The following TEX101 variants were observed in gnomAD, a reference collection of about 807,000 sequenced individuals.
TEX101 encodes the protein testis expressed 101.
Under a neutral mutation model 18.1 loss-of-function variants are expected in TEX101, and 10 were observed. That is an observed-to-expected ratio of 0.55 (90% CI 0.34 to 0.94). The LOEUF is 0.94. TEX101 is among the 40% of genes least tolerant of loss of function. The pLI is 0.02. For synonymous variants in TEX101, 94 were observed against 114.8 expected, an observed-to-expected ratio of 0.82 and a Z score of 1.16; for missense variants, 259 against 298.9, an observed-to-expected ratio of 0.87 and a Z score of 0.98.
upstream of TEX101, among the ~76,000 whole-genome samples, chr19:43,411,490 G>A (rs1019934051): frequency 2.6e-5 from 4 of 152,350 alleles, 1 homozygote; most frequent in South Asian, 4.1e-4. Context: ...CAATAATCCA[G>A]TGACCAATGG....
At chr19:43,413,799 A>G (rs1265451949), upstream of TEX101, among the ~76,000 whole-genome samples, 1 of 151,924 alleles carries the variant, frequency 6.6e-6, no homozygotes, top group East Asian at 1.9e-4. Context: ...CTAAAAATAC[A>G]AAAATTAGCC....
the TEX101 span, among the ~76,000 whole-genome samples, chr19:43,395,158 G>T: frequency 6.6e-6 from 1 of 152,166 alleles, no homozygotes; most frequent in Admixed American, 6.5e-5. Context: ...GAGATGCAGG[G>T]TCTTTTAGTG....
At chr19:43,410,288 G>A (rs542123655), upstream of TEX101, among the ~76,000 whole-genome samples, 3 of 152,252 alleles carry the variant, frequency 2.0e-5, no homozygotes, top group Non-Finnish European at 4.4e-5. Context: ...GGACAATTAG[G>A]AGTTTGTGGG....
At chr19:43,403,302 A>G (rs1970333643) in intron 2 of TEX101, among the ~76,000 whole-genome samples, 1 of 152,208 alleles carries the variant, frequency 6.6e-6, no homozygotes. Flanking sequence ...GGTTTTCTAA[A>G]TACTGTGTGC....
intron 3 of TEX101, among the ~76,000 whole-genome samples, chr19:43,409,476 T>C (rs1052957105): frequency 3.3e-5 from 5 of 152,090 alleles, no homozygotes; most frequent in African/African-American, 9.7e-5. Context: ...ATTGGTCAAA[T>C]TGCATAAAAA....
At chr19:43,418,087 C>T in intron 5 of TEX101, 81 bp downstream of exon 5, 1 of 1,612,048 alleles carries the variant, frequency 6.2e-7, no homozygotes, top group Non-Finnish European at 8.5e-7. Context: ...ACACTGAGCT[C>T]TCCAGGGATG....
chr19:43,409,285 T>C (rs1394261886), intron 3 of TEX101, among the ~76,000 whole-genome samples: 1 of 152,196 alleles, frequency 6.6e-6, no homozygotes, highest in Non-Finnish European at 1.5e-5. Flanking sequence ...GTTAGTTGGG[T>C]ACCTGTGATT....
At chr19:43,388,814 C>A in the TEX101 span, among the ~76,000 whole-genome samples, 1 of 152,176 alleles carries the variant, frequency 6.6e-6, no homozygotes, top group Non-Finnish European at 1.5e-5. Context: ...AGACAAGTTT[C>A]TTTTACTTCT....
the TEX101 span, among the ~76,000 whole-genome samples, chr19:43,388,666 C>T: frequency 0.021 from 3,208 of 152,278 alleles, 55 homozygotes; most frequent in South Asian, 0.049. Context: ...CAACTGGGAA[C>T]GAGTCACCGT....
chr19:43,403,516 T>A (rs1315975326), intron 2 of TEX101, among the ~76,000 whole-genome samples: 4 of 152,194 alleles, frequency 2.6e-5, no homozygotes. Flanking sequence ...CAAACCAGCA[T>A]GGCACATGTA....
upstream of TEX101, among the ~76,000 whole-genome samples, chr19:43,397,874 A>ATTTT (rs1970283214): frequency 1.1e-5 from 1 of 87,814 alleles, no homozygotes; most frequent in African/African-American, 4.8e-5. Flanking sequence ...TATAATATAT[A>ATTTT]AAAATATATA....
the TEX101 span, among the ~76,000 whole-genome samples, chr19:43,392,673 G>C: frequency 4.2e-4 from 64 of 152,302 alleles, no homozygotes; most frequent in Non-Finnish European, 7.5e-4. Flanking sequence ...CAGAGGGAAA[G>C]AGACCCAGAA....
chr19:43,401,581 G>A (rs1970318554), intron 1 of TEX101: 1 of 152,314 alleles, frequency 6.6e-6, no homozygotes. Flanking sequence ...TGAGGGCCGG[G>A]AGTGGTGGCT....
intron 3 of TEX101, among the ~76,000 whole-genome samples, chr19:43,407,711 C>A (rs906569129): frequency 5.9e-5 from 9 of 152,202 alleles, no homozygotes; most frequent in Non-Finnish European, 2.9e-5. Context: ...GCCTCCAAGT[C>A]AGAATATGCC....
At chr19:43,409,512 AAGGGAAATATTTTACATAT>A (rs1201094110) in intron 3 of TEX101, among the ~76,000 whole-genome samples, 4 of 152,214 alleles carry the variant, frequency 2.6e-5, no homozygotes, top group African/African-American at 9.6e-5. Flanking sequence ...TACTGTCTAC[AAGGGAAATATTTTACATAT>A]AGGGAAAAGC....
chr19:43,391,406 C>CTTTTTTTTTTTTTTTTTTTTTT, the TEX101 span, among the ~76,000 whole-genome samples: 1 of 95,898 alleles, frequency 1.0e-5, no homozygotes, highest in East Asian at 3.2e-4. Context: ...TTCTGTTTTT[C>CTTTTTTTTTTTTTTTTTTTTTT]TTTTTTTTTT....
intron 2 of TEX101, among the ~76,000 whole-genome samples, chr19:43,404,071 T>TTA: frequency 7.0e-6 from 1 of 143,038 alleles, no homozygotes; most frequent in Admixed American, 6.9e-5. Context: ...GTGTGTGGGT[T>TTA]TTTTTTTTTT....
upstream of TEX101, among the ~76,000 whole-genome samples, chr19:43,414,716 C>T (rs903925380): frequency 1.2e-4 from 18 of 152,188 alleles, no homozygotes; most frequent in African/African-American, 4.3e-4. Context: ...CCGGTTTGCC[C>T]GCCACTCACC....
chr19:43,415,790 C>G, intron 1 of TEX101, 91 bp from the exon 2 acceptor site: 5 of 1,138,728 alleles, frequency 4.4e-6, no homozygotes, highest in Non-Finnish European at 6.4e-6. Flanking sequence ...TTAAAACACC[C>G]CACCCTGAAG....
Sources: gnomAD v4.1 joint callset for allele counts (sites outside exome capture counted in the v4.1 genomes callset) on GRCh38, gnomAD v4.1.1 for gene constraint, MANE v1.5 for transcripts, NCBI Gene and HGNC (gene_info 2026-07-23, HGNC 2026-07-21) for gene names.